CPNE5: variants seen among roughly 807,000 people sequenced by gnomAD.
CPNE5 encodes the protein copine 5, also known as copine-5.
CPNE5 carries 42 observed loss-of-function variants against 81.1 expected under a neutral mutation model. The observed-to-expected ratio is 0.52, with a 90% CI of 0.40 to 0.67. The LOEUF is 0.67. CPNE5 is among the 30% of genes least tolerant of loss of function. The pLI is 0.00. For missense variants in CPNE5, 612 were observed against 815.5 expected, an observed-to-expected ratio of 0.75 and a Z score of 3.04; for synonymous variants, 313 against 321.5, an observed-to-expected ratio of 0.97 and a Z score of 0.28.
intron 6 of CPNE5, 25 bp from the exon 7 acceptor site, chr6:36,794,674 AGCAT>A (rs1463293891): frequency 6.2e-7 from 1 of 1,611,610 alleles, no homozygotes; most frequent in South Asian, 1.1e-5. Context: ...GGGGAGAGAG[AGCAT>A]GCCATGAGCT....
intron 3 of CPNE5, among the ~76,000 whole-genome samples, chr6:36,802,551 AAGAC>A (rs1187399202): frequency 6.6e-6 from 1 of 152,206 alleles, no homozygotes; most frequent in African/African-American, 2.4e-5. Flanking sequence ...TCAAAGTAGT[AAGAC>A]AGGCAGGTGC....
chr6:36,792,236 G>C, intron 7 of CPNE5, 140 bp from the exon 8 acceptor site: 4 of 1,229,956 alleles, frequency 3.3e-6, no homozygotes, highest in Non-Finnish European at 4.6e-6. Flanking sequence ...TGAGAAGACA[G>C]AGTCTCCTGA....
At chr6:36,786,422 T>C (rs1431470502) in intron 8 of CPNE5, among the ~76,000 whole-genome samples, 1 of 152,232 alleles carries the variant, frequency 6.6e-6, no homozygotes, top group Non-Finnish European at 1.5e-5. Context: ...AGCTTTTCTT[T>C]GTTGTCTTAA....
At chr6:36,763,670 G>C (rs977754638) in intron 11 of CPNE5, among the ~76,000 whole-genome samples, 2 of 151,908 alleles carry the variant, frequency 1.3e-5, no homozygotes, top group African/African-American at 4.8e-5. Flanking sequence ...GTGGGTAAGT[G>C]GGAAAGTGCC....
intron 3 of CPNE5, among the ~76,000 whole-genome samples, chr6:36,806,719 A>G (rs766485786): frequency 6.6e-6 from 1 of 152,176 alleles, no homozygotes; most frequent in Non-Finnish European, 1.5e-5. Flanking sequence ...TTGAACGTAA[A>G]CCAAGACAGC....
chr6:36,775,414 G>A lies in CPNE5; in HGVS notation c.633-349C>T, dbSNP rs369271297. 3.3e-4 allele frequency among the ~76,000 whole-genome samples: 51 copies of A among 152,288 alleles called. 1 individual carries two copies. The highest frequency in any genetic ancestry group is 2.1e-3 in the East Asian group (11 of 5,184). On this transcript the variant is annotated intron_variant, in intron 9 of 20. Coordinates refer to ENST00000244751, the MANE Select transcript of CPNE5 (RefSeq NM_020939.2). ...GGCCTCCAGCTCCCCACCTGTAAAC[G>A]CAGGCAGTTACCCTCTATCAAAGAT...
chr6:36,746,666 C>A lies in CPNE5; in HGVS notation c.1019-89G>T. On this transcript the variant is annotated intron_variant, in intron 15 of 20. Transcript: ENST00000244751. The surrounding 1 kb of genome is among the most constrained non-coding windows in gnomAD (Gnocchi z 4.5). Reference sequence around the variant, plus strand: ...TGAAGAAGGGGGTGTCCAAGGGCACCCCTAACTTTTATTAATTCTTGACTC... The same window carrying A: ...TGAAGAAGGGGGTGTCCAAGGGCACACCTAACTTTTATTAATTCTTGACTC... 8.3e-7 allele frequency: 1 copy of A among 1,205,072 alleles called. No individual in the cohort carries two copies. The highest frequency in any genetic ancestry group is 1.2e-6 in the Non-Finnish European group (1 of 855,344). The allele number at this position is 1,205,072 out of a possible 1,614,324, so 74.6% of individuals were successfully genotyped here. A position where few individuals can be genotyped will look rare whatever the true frequency, so the allele number is the denominator to read the frequency against.
chr6:36,820,335 C>CTTTTTTTTT (rs1163633243), intron 3 of CPNE5, among the ~76,000 whole-genome samples: 5 of 92,412 alleles, frequency 5.4e-5, no homozygotes, highest in Non-Finnish European at 8.2e-5. Context: ...CTAATCCATT[C>CTTTTTTTTT]TTTTTTTTTT....
intron 11 of CPNE5, among the ~76,000 whole-genome samples, chr6:36,763,589 C>T (rs1045199802): frequency 1.6e-5 from 2 of 122,624 alleles, no homozygotes; most frequent in East Asian, 4.5e-4. Flanking sequence ...GGCAACAGAG[C>T]GAGACTCTAT....
chr6:36,748,609 T>G (rs920511261), intron 14 of CPNE5, among the ~76,000 whole-genome samples: 1 of 151,690 alleles, frequency 6.6e-6, no homozygotes, highest in Non-Finnish European at 1.5e-5. Context: ...CTCATTGGAT[T>G]GCTGACTCAA....
intron 14 of CPNE5, among the ~76,000 whole-genome samples, chr6:36,749,627 G>A (rs867233356): frequency 1.3e-5 from 2 of 150,572 alleles, no homozygotes; most frequent in Admixed American, 6.6e-5. Flanking sequence ...AGGAGTTCAA[G>A]GCCAGCCTGA....
chr6:36,747,254 C>CGA (rs34868004), intron 15 of CPNE5, among the ~76,000 whole-genome samples: 1 of 134,966 alleles, frequency 7.4e-6, no homozygotes, highest in Admixed American at 7.8e-5. Context: ...GCTTGATTTC[C>CGA]CCCCCCAGAG....
At chr6:36,834,497 A>G (rs181558714) in intron 1 of CPNE5, among the ~76,000 whole-genome samples, 3 of 151,830 alleles carry the variant, frequency 2.0e-5, no homozygotes, top group Admixed American at 2.0e-4. Flanking sequence ...CTCCAGTAAA[A>G]ATACAAAACT....
At chr6:36,765,230 C>T in intron 11 of CPNE5, 105 bp downstream of exon 11, 2 of 1,261,722 alleles carry the variant, frequency 1.6e-6, no homozygotes, top group South Asian at 2.7e-5. Flanking sequence ...ACCCCCAGAG[C>T]CACTGCGGGG....
At chr6:36,768,794 G>A (rs1011645627) in intron 10 of CPNE5, among the ~76,000 whole-genome samples, 1 of 152,204 alleles carries the variant, frequency 6.6e-6, no homozygotes, top group Non-Finnish European at 1.5e-5. Flanking sequence ...AACCTAGGAG[G>A]CAGCAAAGTG....
chr6:36,776,095 C>T (rs190651154), intron 9 of CPNE5, among the ~76,000 whole-genome samples: 54 of 152,318 alleles, frequency 3.5e-4, no homozygotes, highest in African/African-American at 1.2e-3. Flanking sequence ...GGTGTCCCTG[C>T]CCATGCCCCA....
At chr6:36,745,313 C>T (rs1227805095) in intron 17 of CPNE5, 75 bp downstream of exon 17, 2 of 1,532,740 alleles carry the variant, frequency 1.3e-6, no homozygotes, top group African/African-American at 1.4e-5. Context: ...AAACCCCCTC[C>T]CACCACCCAG....
intron 1 of CPNE5, among the ~76,000 whole-genome samples, chr6:36,823,869 T>C (rs1772274513): frequency 6.6e-6 from 1 of 152,172 alleles, no homozygotes; most frequent in East Asian, 1.9e-4. Context: ...TAGGCAGGTA[T>C]TGTCCCATCT....
intron 3 of CPNE5, among the ~76,000 whole-genome samples, chr6:36,804,187 T>C (rs1324649995): frequency 6.6e-6 from 1 of 152,188 alleles, no homozygotes; most frequent in Non-Finnish European, 1.5e-5. Context: ...CCAAAGCCCA[T>C]TATATTTTTA....
Sources: gnomAD v4.1 joint callset for allele counts (sites outside exome capture counted in the v4.1 genomes callset) on GRCh38, gnomAD v4.1.1 for gene constraint, Gnocchi (gnomAD v3.1) non-coding constraint, MANE v1.5 for transcripts, NCBI Gene and HGNC (gene_info 2026-07-23, HGNC 2026-07-21) for gene names.